TEX22: variants seen among roughly 807,000 people sequenced by gnomAD.
TEX22 encodes the protein testis expressed 22.
Under a neutral mutation model 11.3 loss-of-function variants are expected in TEX22, and 16 were observed. The observed-to-expected ratio is 1.42, with a 90% CI of 0.96 to 2.15. The LOEUF is 2.15. TEX22 is among the 30% of genes most tolerant of loss of function. TEX22 has a pLI of 0.00. For synonymous variants in TEX22, 97 were observed against 92.3 expected, an observed-to-expected ratio of 1.05 and a Z score of -0.29; for missense variants, 220 against 208.6, an observed-to-expected ratio of 1.05 and a Z score of -0.34.
chr14:105,399,713 C>T (rs1350129567), intron 2 of TEX22, among the ~76,000 whole-genome samples: 1 of 152,098 alleles, frequency 6.6e-6, no homozygotes, highest in Non-Finnish European at 1.5e-5. Context: ...AACCGTGGGC[C>T]GCTGGGCTCT....
chr14:105,407,756 A>G (rs2081665723), intron 2 of TEX22, among the ~76,000 whole-genome samples: 1 of 152,194 alleles, frequency 6.6e-6, no homozygotes, highest in African/African-American at 2.4e-5. Context: ...TGGAATGTCC[A>G]TATCAACAGG....
rs587672748 is a variant in TEX22, at chr14:105,411,339, C to T, written c.151-29C>T. 3.5e-5 allele frequency: 45 copies of T among 1,280,038 alleles called. No individual in the cohort carries two copies. The African/African-American group carries it at 6.1e-4, about 17-fold the overall frequency. 79.3% of individuals were successfully genotyped at this position (1,280,038 alleles called of 1,614,324 possible). A position where few individuals can be genotyped will look rare whatever the true frequency, so the allele number is the denominator to read the frequency against. On this transcript the variant is annotated intron_variant, in intron 2 of 3. Transcript: ENST00000451127. Reference sequence around the variant, plus strand: ...GGCGAAGGGGAGCTGGCGCCGAGGCCCTCGCCGACCCGCTGCCCTGTCCCC... The same window carrying T: ...GGCGAAGGGGAGCTGGCGCCGAGGCTCTCGCCGACCCGCTGCCCTGTCCCC...
chr14:105,403,104 G>A (rs373285761), intron 2 of TEX22, among the ~76,000 whole-genome samples: 12 of 152,154 alleles, frequency 7.9e-5, no homozygotes, highest in African/African-American at 2.9e-4. Flanking sequence ...AGCAAGCAGA[G>A]GAACAGACCT....
chr14:105,403,066 T>C (rs2081641158), intron 2 of TEX22, among the ~76,000 whole-genome samples: 1 of 152,110 alleles, frequency 6.6e-6, no homozygotes, highest in Non-Finnish European at 1.5e-5. Flanking sequence ...TGAAAGCCGC[T>C]CCACTGCAGA....
chr14:105,402,352 A>T (rs188704325), intron 2 of TEX22, among the ~76,000 whole-genome samples: 1 of 152,202 alleles, frequency 6.6e-6, no homozygotes, highest in African/African-American at 2.4e-5. Context: ...GGGAGTTTGG[A>T]TATGTGATCA....
chr14:105,403,521 C>T (rs2081643331), intron 2 of TEX22, among the ~76,000 whole-genome samples: 1 of 152,216 alleles, frequency 6.6e-6, no homozygotes, highest in African/African-American at 2.4e-5. Context: ...CTCCTGGACT[C>T]CAGCTATCCT....
intron 2 of TEX22, among the ~76,000 whole-genome samples, chr14:105,401,194 ATAG>A (rs1379008655): frequency 1.1e-4 from 16 of 152,314 alleles, no homozygotes; most frequent in African/African-American, 3.6e-4. Context: ...TGTCTGGCAC[ATAG>A]TAGGTGCTCA....
chr14:105,402,486 G>T (rs1032640583), intron 2 of TEX22, among the ~76,000 whole-genome samples: 6 of 152,106 alleles, frequency 3.9e-5, no homozygotes, highest in East Asian at 3.8e-4. Flanking sequence ...CGGGTGTGGT[G>T]GCTCACGCCT....
chr14:105,404,854 G>A (rs1387309089), intron 2 of TEX22, among the ~76,000 whole-genome samples: 3 of 152,206 alleles, frequency 2.0e-5, no homozygotes, highest in Non-Finnish European at 4.4e-5. Context: ...AAGCATGAGA[G>A]GAAGTAGGAA....
intron 2 of TEX22, among the ~76,000 whole-genome samples, chr14:105,404,624 A>C (rs1009730363): frequency 6.6e-6 from 1 of 152,218 alleles, no homozygotes; most frequent in Non-Finnish European, 1.5e-5. Flanking sequence ...CCTTCAAAGC[A>C]GCCACGGGAG....
chr14:105,405,222 G>A (rs587613785), intron 2 of TEX22, among the ~76,000 whole-genome samples: 19 of 152,076 alleles, frequency 1.2e-4, no homozygotes, highest in South Asian at 1.2e-3. Context: ...TCTGTGAGGC[G>A]GAAACTGCAG....
chr14:105,410,519 G>A (rs1445039983), intron 2 of TEX22, among the ~76,000 whole-genome samples: 2 of 152,176 alleles, frequency 1.3e-5, no homozygotes, highest in South Asian at 2.1e-4. Context: ...GTTGGAGTGC[G>A]CACATCTGTT....
In TEX22 at chr14:105,411,417, G is replaced by C; in HGVS notation, c.200G>C (p.Ser67Thr). The C allele has an allele frequency of 1.6e-6, 2 of 1,256,988 alleles. No individual in the cohort carries two copies. Among genetic ancestry groups the C allele is most frequent in the Non-Finnish European group, 2.0e-6 (2 of 1,006,026 alleles). 77.9% of individuals were successfully genotyped at this position (1,256,988 alleles called of 1,614,324 possible). A position where few individuals can be genotyped will look rare whatever the true frequency, so the allele number is the denominator to read the frequency against. The change falls in exon 3 of 4, where the codon AGC becomes ACC. Residue 67 changes from serine to threonine, a missense_variant. By Grantham distance (58) the Ser-to-Thr change is moderately conservative. Coordinates refer to ENST00000451127, the MANE Select transcript of TEX22 (RefSeq NM_001195082.2). ...CGCCCGGGCCGCCGCTGGAGCGTCA[G>C]CATCGACGAGCGCCGGCGGCTGGCC... ...RRRPGRRWSV[S>T]IDERRRLATL...
chr14:105,402,673 GT>G (rs1372585867), intron 2 of TEX22, among the ~76,000 whole-genome samples: 2 of 151,086 alleles, frequency 1.3e-5, no homozygotes, highest in African/African-American at 2.4e-5. Context: ...GGAGAATGGC[GT>G]GAACCCGGGA....
At position 105,413,033 on chromosome 14, in the gene TEX22, C is replaced by T. The variant is rs2081704450; in HGVS notation, c.*1200C>T. 1 of 152,332 alleles carries T rather than the reference C, an allele frequency of 6.6e-6. No individual in the cohort carries two copies. Among genetic ancestry groups the T allele is most frequent in the South Asian group, 2.1e-4 (1 of 4,830 alleles). 9.4% of individuals were successfully genotyped at this position (152,332 alleles called of 1,614,324 possible). A position where few individuals can be genotyped will look rare whatever the true frequency, so the allele number is the denominator to read the frequency against. On this transcript the variant is annotated 3_prime_UTR_variant, in exon 4 of 4. Coordinates refer to ENST00000451127, the MANE Select transcript of TEX22 (RefSeq NM_001195082.2). The surrounding 1 kb of genome is among the most constrained non-coding windows in gnomAD (Gnocchi z 4.2). The stretch of plus-strand genomic sequence containing the variant: ...CCTGTCTCCCCTTCTTACTGTAAGA[C>T]TCAGTGAAGTTCCCTCCTCCTTCAG...
chr14:105,402,581 C>A (rs28645374), intron 2 of TEX22, among the ~76,000 whole-genome samples: 11,729 of 150,930 alleles, frequency 0.078, 1,548 homozygotes, highest in African/African-American at 0.27. Flanking sequence ...GGTGAAACCC[C>A]GTCTCTACTA....
intron 2 of TEX22, among the ~76,000 whole-genome samples, chr14:105,404,637 C>T (rs1021572642): frequency 4.6e-5 from 7 of 152,106 alleles, no homozygotes; most frequent in African/African-American, 1.7e-4. Context: ...CACGGGAGCT[C>T]GTCACAGTAG....
intron 2 of TEX22, among the ~76,000 whole-genome samples, chr14:105,408,345 G>A (rs1207477194): frequency 2.0e-5 from 3 of 150,718 alleles, no homozygotes; most frequent in Non-Finnish European, 4.4e-5. Context: ...GGGTTCAAGT[G>A]GTTCTCCTGC....
At chr14:105,406,223 A>G (rs782312977) in intron 2 of TEX22, among the ~76,000 whole-genome samples, 1 of 152,244 alleles carries the variant, frequency 6.6e-6, no homozygotes, top group Non-Finnish European at 1.5e-5. Context: ...TAGGCCAAAC[A>G]CAAAATCCTT....
Sources: gnomAD v4.1 joint callset for allele counts (sites outside exome capture counted in the v4.1 genomes callset) on GRCh38, gnomAD v4.1.1 for gene constraint, Gnocchi (gnomAD v3.1) non-coding constraint, MANE v1.5 for transcripts, NCBI Gene and HGNC (gene_info 2026-07-23, HGNC 2026-07-21) for gene names.